The following RANBP2 variants were observed in gnomAD, a reference collection of about 807,000 sequenced individuals.
RANBP2 encodes RAN binding protein 2, also known as E3 SUMO-protein ligase RanBP2.
RANBP2 carries 57 observed loss-of-function variants against 303.6 expected under a neutral mutation model. The observed-to-expected ratio is 0.19, with a 90% confidence interval of 0.15 to 0.23. The LOEUF (loss-of-function observed/expected upper bound fraction) is 0.23. Among genes scored for constraint, RANBP2 ranks in the 10% least tolerant of loss-of-function variants. RANBP2 has a pLI of 1.00. For missense variants in RANBP2, 3,138 were observed against 3,780.8 expected (o/e 0.83, Z 4.46); for synonymous variants, 1,167 against 1,301.5 (o/e 0.90, Z 2.23).
the RANBP2 span, among the ~76,000 whole-genome samples, chr2:109,631,605 A>C: frequency 1.3e-5 from 2 of 151,896 alleles, no homozygotes; most frequent in African/African-American, 4.8e-5. Context: ...AAAATACAAA[A>C]ATTAGTAGGG....
chr2:109,545,753 G>C, the RANBP2 span: 3 of 1,426,806 alleles, frequency 2.1e-6, no homozygotes, highest in Non-Finnish European at 2.7e-6. Flanking sequence ...TATTCAATAA[G>C]AGCAGCCATT....
chr2:108,734,827 G>A (rs1232196908), intron 4 of RANBP2, among the ~76,000 whole-genome samples: 1 of 152,028 alleles, frequency 6.6e-6, no homozygotes, highest in African/African-American at 2.4e-5. Flanking sequence ...TAACATCACT[G>A]GAGATGAGGT....
the RANBP2 span, among the ~76,000 whole-genome samples, chr2:109,644,980 A>G: frequency 6.6e-6 from 1 of 152,198 alleles, no homozygotes; most frequent in Admixed American, 6.5e-5. Context: ...TCCCACTCCC[A>G]GGAAAAGCAC....
At chr2:109,708,038 G>A in the RANBP2 span, among the ~76,000 whole-genome samples, 268 of 152,234 alleles carry the variant, frequency 1.8e-3, no homozygotes, top group Admixed American at 3.6e-3. Flanking sequence ...AACCTACTTG[G>A]CATCAGTTTT....
At chr2:108,798,550 A>G in the RANBP2 span, 3 of 1,613,472 alleles carry the variant, frequency 1.9e-6, no homozygotes, top group Non-Finnish European at 1.7e-6. Context: ...AAGGTGTTGA[A>G]GAAGAGGTTC....
the RANBP2 span, among the ~76,000 whole-genome samples, chr2:109,515,440 C>G: frequency 1.3e-5 from 2 of 152,142 alleles, no homozygotes; most frequent in East Asian, 1.9e-4. Flanking sequence ...GCTGGCCAGA[C>G]TCCAGGACAA....
the RANBP2 span, among the ~76,000 whole-genome samples, chr2:109,378,123 A>G: frequency 6.6e-6 from 1 of 152,226 alleles, no homozygotes; most frequent in South Asian, 2.1e-4. Context: ...TGAGAGCCAC[A>G]AGGGAAGTAT....
At chr2:108,989,145 T>C in the RANBP2 span, 1 of 152,864 alleles carries the variant, frequency 6.5e-6, no homozygotes, top group East Asian at 1.9e-4. Context: ...TCTCTGACAC[T>C]AGCCCCGCTT....
chr2:109,019,798 C>T, the RANBP2 span, among the ~76,000 whole-genome samples: 4 of 152,224 alleles, frequency 2.6e-5, no homozygotes, highest in Admixed American at 6.5e-5. Flanking sequence ...TTTGGCTTCT[C>T]CTGTCCACAG....
At chr2:108,893,404 T>C in the RANBP2 span, among the ~76,000 whole-genome samples, 1 of 152,212 alleles carries the variant, frequency 6.6e-6, no homozygotes, top group South Asian at 2.1e-4. Context: ...GCTAAAGGGT[T>C]TTGACACTGA....
At chr2:109,437,083 G>A in the RANBP2 span, 1 of 1,613,658 alleles carries the variant, frequency 6.2e-7, no homozygotes, top group Non-Finnish European at 8.5e-7. Context: ...GCCCCCAACA[G>A]GCAGCTGTCT....
Position 108,746,785 on chromosome 2 carries a change from A to G in RANBP2, c.1050A>G (p.Arg350=). 1 of 1,330,708 alleles carries G rather than the reference A, an allele frequency of 7.5e-7. No homozygotes were observed. The highest frequency in any genetic ancestry group is 1.0e-6 in the Non-Finnish European group (1 of 975,884). The allele number at this position is 1,330,708 out of a possible 1,614,324, so 82.4% of individuals were successfully genotyped here. The stretch of plus-strand genomic sequence containing the variant: ...TGCTGGAAATGATGGCCTGTGACCG[A>G]CTGAGCCAATCAGGTAATAGTAATA... ...QNLLEMMACD[R]LSQSGHMLLN... is the part of the protein sequence containing the mutation. Residue 350 remains arginine (R), a synonymous_variant, in exon 8 of 29, where the codon CGA becomes CGG. Transcript: ENST00000283195.
At chr2:109,717,004 C>T in the RANBP2 span, among the ~76,000 whole-genome samples, 70 of 152,236 alleles carry the variant, frequency 4.6e-4, no homozygotes, top group African/African-American at 1.7e-3. Context: ...GGCAGAGTGA[C>T]TTGAGGTCCC....
chr2:109,172,276 C>T, the RANBP2 span, among the ~76,000 whole-genome samples: 4 of 152,320 alleles, frequency 2.6e-5, no homozygotes, highest in Middle Eastern at 3.4e-3. Context: ...GCAACAGCTG[C>T]GTGTGGCCTG....
At chr2:109,174,061 A>G in the RANBP2 span, among the ~76,000 whole-genome samples, 1 of 152,200 alleles carries the variant, frequency 6.6e-6, no homozygotes, top group Non-Finnish European at 1.5e-5. Flanking sequence ...GGCTGCTCCC[A>G]CAGTGTCCCC....
At chr2:109,291,439 G>A in the RANBP2 span, among the ~76,000 whole-genome samples, 59 of 152,322 alleles carry the variant, frequency 3.9e-4, no homozygotes, top group Non-Finnish European at 6.8e-4. Context: ...CCTGGCTGCC[G>A]TGCAGGAGTC....
At chr2:109,223,402 G>A in the RANBP2 span, among the ~76,000 whole-genome samples, 4 of 152,310 alleles carry the variant, frequency 2.6e-5, no homozygotes, top group East Asian at 5.8e-4. Context: ...CCGTGTGCTC[G>A]CTGTGATGGA....
chr2:109,488,838 C>T, the RANBP2 span, among the ~76,000 whole-genome samples: 174 of 152,336 alleles, frequency 1.1e-3, 1 homozygote, highest in Non-Finnish European at 2.2e-3. Context: ...ACAAGACCTT[C>T]AGGAAGTTAT....
At chr2:109,013,589 T>G in the RANBP2 span, among the ~76,000 whole-genome samples, 1 of 151,894 alleles carries the variant, frequency 6.6e-6, no homozygotes, top group Non-Finnish European at 1.5e-5. Flanking sequence ...GCAATCTCTT[T>G]CCAATCTTTT....
Sources: gnomAD v4.1 joint callset for allele counts (sites outside exome capture counted in the v4.1 genomes callset) on GRCh38, gnomAD v4.1.1 for gene constraint, MANE v1.5 for transcripts, NCBI Gene and HGNC (gene_info 2026-07-23, HGNC 2026-07-21) for gene names.